The following LARP1B variants were observed in gnomAD, a reference collection of about 807,000 sequenced individuals.
LARP1B encodes la-related protein 1B.
Under a neutral mutation model 114.2 loss-of-function variants are expected in LARP1B, and 76 were observed. The observed-to-expected ratio is 0.67, with a 90% CI of 0.55 to 0.81. LARP1B has a LOEUF of 0.81. Among genes scored for constraint, LARP1B ranks in the 30% least tolerant of loss-of-function variants. The pLI is 0.00. For synonymous variants in LARP1B, 345 were observed against 348.0 expected, an observed-to-expected ratio of 0.99 and a Z score of 0.10; for missense variants, 1,014 against 1,075.8, an observed-to-expected ratio of 0.94 and a Z score of 0.80.
At chr4:128,186,494 T>C (rs1750413727) in intron 15 of LARP1B, among the ~76,000 whole-genome samples, 1 of 152,224 alleles carries the variant, frequency 6.6e-6, no homozygotes, top group Non-Finnish European at 1.5e-5. Context: ...TTTTGTATAT[T>C]GATTTTGTAT....
At chr4:128,179,548 G>A in intron 15 of LARP1B, 36 bp downstream of exon 15, 1 of 1,391,864 alleles carries the variant, frequency 7.2e-7, no homozygotes, top group South Asian at 1.4e-5. Context: ...TTTTGTTCGT[G>A]ATTTGAAGTT....
intron 1 of LARP1B, among the ~76,000 whole-genome samples, chr4:128,074,055 C>T (rs1766817621): frequency 6.6e-6 from 1 of 152,038 alleles, no homozygotes; most frequent in Non-Finnish European, 1.5e-5. Flanking sequence ...ATTCTCCTGC[C>T]TCAGCCTCCT....
At chr4:128,108,409 T>C (rs771185626) in intron 9 of LARP1B, 6 of 986,672 alleles carry the variant, frequency 6.1e-6, no homozygotes, top group Non-Finnish European at 7.2e-6. Flanking sequence ...ATAAGACTTA[T>C]TAATGTGGTC....
chr4:128,123,233 A>G lies in LARP1B; in HGVS notation c.1524+1045A>G, dbSNP rs967253226. 1.2e-5 allele frequency: 12 copies of G among 985,406 alleles called. No homozygotes were observed. The East Asian group carries it at 4.5e-4, about 37-fold the overall frequency. The allele number at this position is 985,406 out of a possible 1,614,324, so 61.0% of individuals were successfully genotyped here. On this transcript the variant is annotated intron_variant, in intron 11 of 19. Coordinates refer to ENST00000326639, the MANE Select transcript of LARP1B (RefSeq NM_018078.4). ...CTTCTTGGAGGACCTGCCTCAGGCT[A>G]TGATAGCTTGTTACGTGACTTAGAG...
At chr4:128,068,845 C>T (rs1037483403) in intron 1 of LARP1B, among the ~76,000 whole-genome samples, 1 of 152,190 alleles carries the variant, frequency 6.6e-6, no homozygotes, top group East Asian at 1.9e-4. Flanking sequence ...AAGGAAGATA[C>T]ACCATCACTT....
chr4:128,179,474 G>A lies in LARP1B; in HGVS notation c.1965G>A (p.Met655Ile). The change falls in exon 15 of 20, where the codon ATG (methionine) becomes ATA (isoleucine). Residue 655 changes from methionine to isoleucine, a missense_variant. Transcript: ENST00000326639. ...TAGAGTGTCATGTTGGTTGGGTAAT[G>A]GATTCCAGAGACCGTGGGCCAGGAA... ...PPLECHVGWV[M>I]DSRDRGPGTS... is the part of the protein sequence containing the mutation. 6.2e-7 allele frequency: 1 copy of A among 1,609,982 alleles called. No homozygotes were observed. Among genetic ancestry groups the A allele is most frequent in the Non-Finnish European group, 8.5e-7 (1 of 1,177,958 alleles).
intron 8 of LARP1B, among the ~76,000 whole-genome samples, chr4:128,101,974 T>C (rs749033357): frequency 2.6e-5 from 4 of 152,226 alleles, no homozygotes; most frequent in Non-Finnish European, 5.9e-5. Context: ...TTTAAGATCA[T>C]TGACATTTTG....
chr4:128,076,911 A>G (rs1472072721), intron 3 of LARP1B, among the ~76,000 whole-genome samples: 1 of 151,954 alleles, frequency 6.6e-6, no homozygotes, highest in African/African-American at 2.4e-5. Context: ...TATTTTTTGT[A>G]GAGATGGGGT....
At chr4:128,113,121 T>C (rs1378502904) in intron 9 of LARP1B, among the ~76,000 whole-genome samples, 1 of 152,186 alleles carries the variant, frequency 6.6e-6, no homozygotes, top group Non-Finnish European at 1.5e-5. Context: ...ATGTTAAGAA[T>C]TTTATGGTAT....
chr4:128,108,483 A>G (rs536069830), intron 9 of LARP1B: 561 of 985,674 alleles, frequency 5.7e-4, no homozygotes, highest in Non-Finnish European at 6.4e-4. Flanking sequence ...TTCAAAATGT[A>G]TTTTTGATAC....
intron 12 of LARP1B, among the ~76,000 whole-genome samples, chr4:128,172,380 TAA>T (rs1051688288): frequency 2.6e-5 from 4 of 152,180 alleles, no homozygotes; most frequent in Non-Finnish European, 4.4e-5. Context: ...GCTGTTCCTT[TAA>T]ATTTAAAATT....
intron 7 of LARP1B, among the ~76,000 whole-genome samples, chr4:128,095,992 A>ATT (rs71587360): frequency 0.025 from 3,160 of 125,318 alleles, 146 homozygotes; most frequent in East Asian, 0.098. Flanking sequence ...GGAGGCTATA[A>ATT]TTTTTTTTTT....
chr4:128,065,301 CTT>C (rs869046047), intron 1 of LARP1B, among the ~76,000 whole-genome samples: 2,892 of 130,658 alleles, frequency 0.022, 80 homozygotes, highest in Admixed American at 0.033. Flanking sequence ...TTCTTTCTTT[CTT>C]TCTTTCTTTC....
At chr4:128,126,401 G>A (rs1259647437) in intron 11 of LARP1B, among the ~76,000 whole-genome samples, 1 of 152,194 alleles carries the variant, frequency 6.6e-6, no homozygotes, top group East Asian at 1.9e-4. Flanking sequence ...GGGATTACAG[G>A]CGTGAGCCAC....
At chr4:128,172,980 T>C (rs1356910698) in intron 12 of LARP1B, among the ~76,000 whole-genome samples, 3 of 151,916 alleles carry the variant, frequency 2.0e-5, no homozygotes, top group Non-Finnish European at 4.4e-5. Flanking sequence ...TGTATGTGTA[T>C]GTTTTAAAAT....
At chr4:128,061,085 A>T (rs1176418794), upstream of LARP1B, among the ~76,000 whole-genome samples, 3 of 151,926 alleles carry the variant, frequency 2.0e-5, no homozygotes, top group Non-Finnish European at 4.4e-5. Context: ...GGGCGGCCTC[A>T]GCCAGTGAGC....
chr4:128,137,160 G>A (rs574307083), intron 11 of LARP1B, among the ~76,000 whole-genome samples: 11 of 151,598 alleles, frequency 7.3e-5, no homozygotes, highest in Non-Finnish European at 1.0e-4. Flanking sequence ...AAACTCCCCC[G>A]ACAGGTTGCA....
chr4:128,195,760 A>C (rs1286207238), intron 15 of LARP1B, among the ~76,000 whole-genome samples: 1 of 152,234 alleles, frequency 6.6e-6, no homozygotes, highest in African/African-American at 2.4e-5. Context: ...GGAACTAGAA[A>C]AAGAAGAGCA....
At chr4:128,213,810 T>C (rs1050585471), downstream of LARP1B, among the ~76,000 whole-genome samples, 4 of 152,056 alleles carry the variant, frequency 2.6e-5, no homozygotes, top group South Asian at 2.1e-4. Context: ...CCAAGATGGC[T>C]GAATAGGAAC....
Sources: gnomAD v4.1 joint callset for allele counts (sites outside exome capture counted in the v4.1 genomes callset) on GRCh38, gnomAD v4.1.1 for gene constraint, MANE v1.5 for transcripts, NCBI Gene and HGNC (gene_info 2026-07-23, HGNC 2026-07-21) for gene names.